G2E3: variants seen among roughly 807,000 people sequenced by gnomAD.
G2E3 encodes G2/M-phase specific E3 ubiquitin protein ligase.
G2E3 carries 35 observed loss-of-function variants against 92.8 expected under a neutral mutation model. That is an observed-to-expected ratio of 0.38 (90% confidence interval 0.29 to 0.50). G2E3 has a LOEUF of 0.50. Ranked by LOEUF, G2E3 falls within the 20% of genes least tolerant of loss-of-function variation. The probability of loss-of-function intolerance (pLI) is 0.94; values close to 1 mark genes in which losing one functional copy is unlikely to be tolerated. For missense variants in G2E3, 554 were observed against 823.8 expected (o/e 0.67, Z 4.01); for synonymous variants, 242 against 272.4 (o/e 0.89, Z 1.10).
At chr14:30,563,361 G>T (rs1879231120) in intron 1 of G2E3, among the ~76,000 whole-genome samples, 1 of 152,100 alleles carries the variant, frequency 6.6e-6, no homozygotes, top group African/African-American at 2.4e-5. Context: ...GGTAGGGTTG[G>T]TCTAAGGGAC....
chr14:30,561,101 G>A lies in G2E3; in HGVS notation c.-5+1829G>A, dbSNP rs191351289. ...TAATATATACAAAGACCTTAAAATA[G>A]TGTGTGCCACATAGCAAATGATACA... On this transcript the variant is annotated intron_variant, in intron 1 of 14. Coordinates refer to ENST00000206595, the MANE Select transcript of G2E3 (RefSeq NM_017769.5). 3.2e-3 allele frequency among the ~76,000 whole-genome samples: 491 copies of A among 152,308 alleles called. 4 individuals carry two copies. Among genetic ancestry groups the A allele is most frequent in the African/African-American group, 0.011 (463 of 41,562 alleles).
intron 1 of G2E3, among the ~76,000 whole-genome samples, chr14:30,563,700 TGTG>T (rs1431090030): frequency 1.8e-3 from 106 of 57,430 alleles, no homozygotes; most frequent in African/African-American, 6.1e-3. Flanking sequence ...TACTTTTGTG[TGTG>T]TGTGTGTGTG....
At chr14:30,599,161 A>T (rs1263729962) in intron 8 of G2E3, among the ~76,000 whole-genome samples, 1 of 152,022 alleles carries the variant, frequency 6.6e-6, no homozygotes, top group Admixed American at 6.6e-5. Context: ...TTTTATTTTT[A>T]TAAGAACACC....
At chr14:30,612,407 C>T (rs1278085847) in intron 13 of G2E3, 28 bp downstream of exon 13, 1 of 1,364,126 alleles carries the variant, frequency 7.3e-7, no homozygotes, top group African/African-American at 1.5e-5. Flanking sequence ...ATATATGGCT[C>T]TTTCAAATTA....
At position 30,605,585 on chromosome 14, in the gene G2E3, T is replaced by G. The variant is rs768652581; in HGVS notation, c.1091T>G (p.Leu364Trp). ...GFQIKKKTKR[L>W]YINKANIWNS... The stretch of plus-strand genomic sequence containing the variant: ...CAAATTAAAAAAAAAACTAAAAGAT[T>G]GTATATCAACAAAGCCAATATCTGG... The change falls in exon 11 of 15, where the codon TTG becomes TGG. Residue 364 changes from leucine to tryptophan, a missense_variant. By Grantham distance (61) the Leu-to-Trp change is moderately conservative (BLOSUM62 -2). Transcript: ENST00000206595. The G allele has an allele frequency of 1.9e-5, 29 of 1,523,806 alleles. No individual in the cohort carries two copies. Among genetic ancestry groups the G allele is most frequent in the Non-Finnish European group, 2.4e-5 (27 of 1,108,748 alleles). The allele number at this position is 1,523,806 out of a possible 1,614,324, so 94.4% of individuals were successfully genotyped here.
chr14:30,615,312 T>C (rs1189805555), intron 13 of G2E3, 37 bp from the exon 14 acceptor site: 8 of 1,047,798 alleles, frequency 7.6e-6, no homozygotes, highest in Non-Finnish European at 1.1e-5. Flanking sequence ...CAAACACACA[T>C]GTATGAATGT....
chr14:30,565,937 G>T (rs1594459444), intron 1 of G2E3, among the ~76,000 whole-genome samples: 1 of 152,084 alleles, frequency 6.6e-6, no homozygotes, highest in African/African-American at 2.4e-5. Context: ...CTGGATTACA[G>T]ACGTGAGCCA....
chr14:30,567,348 T>A (rs1359228218), intron 1 of G2E3, among the ~76,000 whole-genome samples: 1 of 152,190 alleles, frequency 6.6e-6, no homozygotes, highest in Non-Finnish European at 1.5e-5. Context: ...CTCTTGTTTG[T>A]AGATTTGTTG....
At chr14:30,606,544 A>G (rs776318296) in intron 11 of G2E3, among the ~76,000 whole-genome samples, 7 of 152,140 alleles carry the variant, frequency 4.6e-5, no homozygotes, top group Non-Finnish European at 8.8e-5. Flanking sequence ...AAAATAAAGA[A>G]AAAACTTTCC....
At chr14:30,600,077 G>A (rs895778252) in intron 8 of G2E3, among the ~76,000 whole-genome samples, 1 of 152,170 alleles carries the variant, frequency 6.6e-6, no homozygotes, top group African/African-American at 2.4e-5. Flanking sequence ...AACAAATCCA[G>A]TTTACAAAAT....
intron 13 of G2E3, among the ~76,000 whole-genome samples, chr14:30,613,331 A>G (rs1174830927): frequency 6.6e-6 from 1 of 152,248 alleles, no homozygotes; most frequent in Non-Finnish European, 1.5e-5. Context: ...AAAAAGTAGT[A>G]TCATTAATCC....
intron 1 of G2E3, among the ~76,000 whole-genome samples, chr14:30,570,405 C>T (rs981385071): frequency 6.6e-6 from 1 of 152,020 alleles, no homozygotes; most frequent in Non-Finnish European, 1.5e-5. Context: ...AAGTTTTTGG[C>T]TATTATTTCT....
At chr14:30,569,442 TCTGCCTGGGTC>T (rs1261955930) in intron 1 of G2E3, among the ~76,000 whole-genome samples, 1 of 152,218 alleles carries the variant, frequency 6.6e-6, no homozygotes, top group Non-Finnish European at 1.5e-5. Flanking sequence ...GCCATGTTCC[TCTGCCTGGGTC>T]CTGCCTGGAA....
At chr14:30,612,589 C>T (rs1344438160) in intron 13 of G2E3, among the ~76,000 whole-genome samples, 21 of 149,990 alleles carry the variant, frequency 1.4e-4, no homozygotes, top group African/African-American at 4.9e-4. Context: ...CATGGTGGCT[C>T]ACTCACACCT....
At chr14:30,560,501 G>C (rs1879029661) in intron 1 of G2E3, 1 of 353,910 alleles carries the variant, frequency 2.8e-6, no homozygotes, top group Non-Finnish European at 5.1e-6. Context: ...TAAATACTCG[G>C]TGTTTAGGAT....
intron 8 of G2E3, among the ~76,000 whole-genome samples, chr14:30,599,033 T>G (rs1180609908): frequency 6.6e-6 from 1 of 152,152 alleles, no homozygotes; most frequent in Non-Finnish European, 1.5e-5. Flanking sequence ...TAAGATCAAG[T>G]TATTGACAGG....
At chr14:30,591,327 G>A (rs1484807049) in intron 4 of G2E3, among the ~76,000 whole-genome samples, 1 of 152,048 alleles carries the variant, frequency 6.6e-6, no homozygotes, top group East Asian at 1.9e-4. Flanking sequence ...TTTAGGTACT[G>A]TTCTGTATTT....
At chr14:30,563,424 A>G (rs762812703) in intron 1 of G2E3, among the ~76,000 whole-genome samples, 1 of 152,120 alleles carries the variant, frequency 6.6e-6, no homozygotes, top group Admixed American at 6.5e-5. Flanking sequence ...CAAAACTGGT[A>G]CAGGTATTTA....
chr14:30,573,658 CAGA>C, intron 1 of G2E3: 1 of 152,056 alleles, frequency 6.6e-6, no homozygotes, highest in East Asian at 1.9e-4. Context: ...ACACCAAGGA[CAGA>C]AGATTGATGT....
Sources: allele counts gnomAD v4.1 joint callset (sites outside exome capture counted in the v4.1 genomes callset), GRCh38; gene constraint gnomAD v4.1.1; transcripts MANE v1.5; gene names NCBI Gene and HGNC (gene_info 2026-07-23, HGNC 2026-07-21).